WDPCP: variants seen among roughly 807,000 people sequenced by gnomAD.
The protein encoded by WDPCP is WD repeat-containing and planar cell polarity effector protein fritz homolog.
A neutral mutation model predicts 93.1 loss-of-function variants in WDPCP; 71 were observed. The ratio of observed to expected loss-of-function variants is 0.76; its 90% CI spans 0.63 to 0.93. The LOEUF (loss-of-function observed/expected upper bound fraction) is 0.93, where lower values mean the gene tolerates loss of function less well. Ranked by LOEUF, WDPCP falls within the 40% of genes least tolerant of loss-of-function variation. WDPCP has a pLI of 0.00. For synonymous variants in WDPCP, 315 were observed against 315.0 expected (o/e 1.00, Z 0.00); for missense variants, 844 against 887.4 (o/e 0.95, Z 0.62).
chr2:63,688,662 C>T (rs1014155483), intron 2 of WDPCP, among the ~76,000 whole-genome samples: 1 of 151,966 alleles, frequency 6.6e-6, no homozygotes, highest in Non-Finnish European at 1.5e-5. Flanking sequence ...AGGATAAATG[C>T]TTGAGGTGAT....
Position 63,537,486 on chromosome 2 carries a change from A to T in WDPCP, c.76-44546T>A, listed in dbSNP as rs547372191. On this transcript the variant is annotated intron_variant, in intron 1 of 17. Transcript: ENST00000272321. ...AAGGATGAAATTCTGATGATACACA[A>T]GACCATGCATGAAATGATCCTTACT... 9.8e-4 allele frequency among the ~76,000 whole-genome samples: 150 copies of T among 152,322 alleles called. 1 individual carries two copies. Among genetic ancestry groups the T allele is most frequent in the Non-Finnish European group, 1.9e-3 (131 of 68,020 alleles).
At chr2:63,709,436 C>G (rs533794845) in intron 2 of WDPCP, among the ~76,000 whole-genome samples, 3 of 152,140 alleles carry the variant, frequency 2.0e-5, no homozygotes, top group African/African-American at 7.2e-5. Context: ...TAGATTCATG[C>G]ACATTTCATA....
intron 3 of WDPCP, among the ~76,000 whole-genome samples, chr2:63,623,652 A>C (rs894999155): frequency 6.6e-6 from 1 of 152,208 alleles, no homozygotes; most frequent in Admixed American, 6.5e-5. Flanking sequence ...CTAAATATAC[A>C]TGAACCCAAT....
At chr2:63,141,154 C>T (rs1316430802) in intron 17 of WDPCP, among the ~76,000 whole-genome samples, 1 of 151,958 alleles carries the variant, frequency 6.6e-6, no homozygotes, top group East Asian at 1.9e-4. Flanking sequence ...ATCTTGGCTC[C>T]TGCAACCTCC....
intron 1 of WDPCP, among the ~76,000 whole-genome samples, chr2:63,549,885 A>C (rs1435580492): frequency 6.6e-6 from 1 of 152,066 alleles, no homozygotes; most frequent in East Asian, 1.9e-4. Flanking sequence ...TTGTTGCTCC[A>C]AATAGTAAGA....
At chr2:63,214,952 C>T (rs1677186638) in intron 14 of WDPCP, among the ~76,000 whole-genome samples, 1 of 152,088 alleles carries the variant, frequency 6.6e-6, no homozygotes, top group East Asian at 1.9e-4. Flanking sequence ...AATTACAAAC[C>T]ACTGCTCAAC....
chr2:63,233,829 A>T lies in WDPCP; in HGVS notation c.1915+25478T>A, dbSNP rs1679140634. Among the ~76,000 whole-genome samples, 3 of 152,258 alleles carry T rather than the reference A, an allele frequency of 2.0e-5. No homozygotes were observed. The South Asian group carries it at 6.2e-4, about 32-fold the overall frequency. On this transcript the variant is annotated intron_variant, in intron 14 of 17. Transcript: ENST00000272321. Reference sequence around the variant, plus strand: ...ACAGACATTAATGATGCCCTCACTTAGGGGTATGAGGTTGATCTGGTGCCC... The same window carrying T: ...ACAGACATTAATGATGCCCTCACTTTGGGGTATGAGGTTGATCTGGTGCCC...
At chr2:63,460,434 C>A (rs1698928067) in intron 6 of WDPCP, among the ~76,000 whole-genome samples, 1 of 152,024 alleles carries the variant, frequency 6.6e-6, no homozygotes, top group Non-Finnish European at 1.5e-5. Flanking sequence ...CTATACTTAG[C>A]AACAATATTA....
intron 12 of WDPCP, among the ~76,000 whole-genome samples, chr2:63,314,701 G>A (rs1686496648): frequency 6.6e-6 from 1 of 151,900 alleles, no homozygotes; most frequent in Admixed American, 6.6e-5. Flanking sequence ...TCTACCCACT[G>A]TCTCCAATCT....
At chr2:63,280,805 C>T (rs1424897338) in intron 13 of WDPCP, among the ~76,000 whole-genome samples, 5 of 152,140 alleles carry the variant, frequency 3.3e-5, no homozygotes, top group Non-Finnish European at 7.4e-5. Context: ...ATTATCATCT[C>T]TTACTTTATA....
chr2:63,676,266 T>A (rs1173620133), intron 2 of WDPCP, among the ~76,000 whole-genome samples: 1 of 152,198 alleles, frequency 6.6e-6, no homozygotes, highest in Non-Finnish European at 1.5e-5. Context: ...TCAAGGCAAT[T>A]GCTAATTCTG....
At chr2:63,157,292 A>C (rs1251300817) in intron 15 of WDPCP, among the ~76,000 whole-genome samples, 1 of 151,954 alleles carries the variant, frequency 6.6e-6, no homozygotes, top group Non-Finnish European at 1.5e-5. Flanking sequence ...TATGTATGAG[A>C]GACAGTAGTC....
At chr2:63,646,744 G>C (rs1190952443) in intron 3 of WDPCP, among the ~76,000 whole-genome samples, 1 of 152,108 alleles carries the variant, frequency 6.6e-6, no homozygotes, top group Non-Finnish European at 1.5e-5. Context: ...TCTCCTGCCT[G>C]TAAAGTTTCC....
At chr2:63,302,265 T>G (rs1575096749) in intron 13 of WDPCP, among the ~76,000 whole-genome samples, 1 of 152,176 alleles carries the variant, frequency 6.6e-6, no homozygotes, top group East Asian at 1.9e-4. Flanking sequence ...AGCAGGCAGC[T>G]CTGCAAGCAT....
chr2:63,409,671 T>G (rs1383622148), intron 9 of WDPCP, among the ~76,000 whole-genome samples: 1 of 151,740 alleles, frequency 6.6e-6, no homozygotes, highest in African/African-American at 2.4e-5. Flanking sequence ...AAAGGAGAAA[T>G]ATTCAAGGAA....
At chr2:63,492,820 T>C in intron 2 of WDPCP, 36 bp downstream of exon 2, 3 of 1,581,868 alleles carry the variant, frequency 1.9e-6, no homozygotes, top group Non-Finnish European at 2.6e-6. Flanking sequence ...TGTAACATAT[T>C]TGAAAAATAT....
chr2:63,540,980 GTTTT>G (rs577501045), intron 1 of WDPCP, among the ~76,000 whole-genome samples: 1 of 149,712 alleles, frequency 6.7e-6, no homozygotes, highest in South Asian at 2.1e-4. Flanking sequence ...GGTGGTTTTT[GTTTT>G]TTTGTTTTCT....
At chr2:63,341,364 G>A (rs1000125789) in intron 12 of WDPCP, among the ~76,000 whole-genome samples, 64 of 152,104 alleles carry the variant, frequency 4.2e-4, no homozygotes, top group Admixed American at 4.2e-3. Context: ...CCTGACCTCA[G>A]GTGATCCACC....
At chr2:63,786,319 GT>G (rs1382392271) in intron 2 of WDPCP, among the ~76,000 whole-genome samples, 1 of 152,008 alleles carries the variant, frequency 6.6e-6, no homozygotes, top group African/African-American at 2.4e-5. Context: ...GCCTCATTTT[GT>G]TTTTTTATGT....
Sources: allele counts gnomAD v4.1 joint callset (sites outside exome capture counted in the v4.1 genomes callset), GRCh38; gene constraint gnomAD v4.1.1; transcripts MANE v1.5; gene names NCBI Gene and HGNC (gene_info 2026-07-23, HGNC 2026-07-21).